AUTS2: variants seen among roughly 807,000 people sequenced by gnomAD.
AUTS2 encodes autism susceptibility gene 2 protein.
In AUTS2, 17 loss-of-function variants were observed where a neutral mutation model predicts 112.4. The observed-to-expected ratio is 0.15, with a 90% CI of 0.10 to 0.23. The LOEUF is 0.23. AUTS2 is among the 10% of genes least tolerant of loss of function. The pLI is 1.00. For missense variants in AUTS2, 1,510 were observed against 1,701.6 expected (o/e 0.89, Z 1.98); for synonymous variants, 751 against 702.7 (o/e 1.07, Z -1.09).
intron 4 of AUTS2, among the ~76,000 whole-genome samples, chr7:70,256,943 T>C (rs975774476): frequency 2.0e-5 from 3 of 152,186 alleles, no homozygotes; most frequent in Non-Finnish European, 2.9e-5. Context: ...TTTTGTTCAG[T>C]GAATCCAGCA....
intron 2 of AUTS2, among the ~76,000 whole-genome samples, chr7:70,008,473 A>G (rs1208850346): frequency 6.6e-6 from 1 of 152,158 alleles, no homozygotes; most frequent in Non-Finnish European, 1.5e-5. Flanking sequence ...TTTGTCTACC[A>G]GCGTCTCTTC....
At chr7:70,348,573 G>C (rs190409439) in intron 4 of AUTS2, among the ~76,000 whole-genome samples, 13 of 152,278 alleles carry the variant, frequency 8.5e-5, no homozygotes, top group African/African-American at 3.1e-4. Context: ...GGGAGGCCGA[G>C]GCGGGTGGAT....
intron 5 of AUTS2, among the ~76,000 whole-genome samples, chr7:70,614,914 C>T (rs1804276852): frequency 6.6e-6 from 1 of 152,214 alleles, no homozygotes; most frequent in South Asian, 2.1e-4. Context: ...ACCAGCACCC[C>T]AGGCAGCCCA....
chr7:70,634,373 CA>C, intron 5 of AUTS2, among the ~76,000 whole-genome samples: 1 of 152,304 alleles, frequency 6.6e-6, no homozygotes, highest in South Asian at 2.1e-4. Flanking sequence ...GGCTTTTATC[CA>C]GAATGTCGAG....
At chr7:70,184,369 G>A (rs573991436) in intron 4 of AUTS2, among the ~76,000 whole-genome samples, 2 of 152,246 alleles carry the variant, frequency 1.3e-5, no homozygotes, top group South Asian at 4.1e-4. Context: ...CCAAGAACAA[G>A]AATTTCTTCT....
At chr7:69,901,712 G>T (rs940649024) in intron 2 of AUTS2, among the ~76,000 whole-genome samples, 12 of 152,198 alleles carry the variant, frequency 7.9e-5, no homozygotes, top group African/African-American at 2.7e-4. Context: ...TACCTTCAGT[G>T]TTGATGCCAA....
chr7:69,829,966 G>A (rs1318177255), intron 1 of AUTS2, among the ~76,000 whole-genome samples: 2 of 152,138 alleles, frequency 1.3e-5, no homozygotes, highest in African/African-American at 2.4e-5. Context: ...ATTCACGATA[G>A]CAAAGACAGG....
intron 5 of AUTS2, among the ~76,000 whole-genome samples, chr7:70,482,014 A>G (rs1797806545): frequency 6.6e-6 from 1 of 152,148 alleles, no homozygotes; most frequent in African/African-American, 2.4e-5. Context: ...TCTTAATAAG[A>G]TCTTATAGCT....
chr7:69,789,749 G>A (rs1488623577), intron 1 of AUTS2, among the ~76,000 whole-genome samples: 1 of 151,970 alleles, frequency 6.6e-6, no homozygotes, highest in Non-Finnish European at 1.5e-5. Context: ...TCTTTTTCTG[G>A]CCATGGATAG....
At chr7:69,952,364 G>A (rs976332687) in intron 2 of AUTS2, among the ~76,000 whole-genome samples, 10 of 152,320 alleles carry the variant, frequency 6.6e-5, no homozygotes, top group Non-Finnish European at 1.3e-4. Context: ...GCAGCAGCAT[G>A]TGTCCTGGGA....
At chr7:70,568,666 G>T (rs554720785) in intron 5 of AUTS2, among the ~76,000 whole-genome samples, 19 of 152,280 alleles carry the variant, frequency 1.2e-4, no homozygotes, top group African/African-American at 4.6e-4. Context: ...GAGGTCTCTC[G>T]TTCAGACCAG....
intron 5 of AUTS2, among the ~76,000 whole-genome samples, chr7:70,536,795 G>A (rs925297167): frequency 3.9e-5 from 6 of 152,086 alleles, no homozygotes; most frequent in African/African-American, 1.4e-4. Flanking sequence ...AGCTACTTGG[G>A]AGGCTGAGGC....
At position 70,791,128 on chromosome 7, in the gene AUTS2, G is replaced by T. The variant is rs1485820036; in HGVS notation, c.*132G>T. 4.4e-6 allele frequency: 4 copies of T among 906,082 alleles called. No homozygotes were observed. Among genetic ancestry groups the T allele is most frequent in the Middle Eastern group, 6.4e-4 (2 of 3,106 alleles). The allele number at this position is 906,082 out of a possible 1,614,324, so 56.1% of individuals were successfully genotyped here. ...CCCACCCCTTCCCCTTGTAAAAAAT[G>T]TATAGACTCAGTGCACATTTTGAAA... On this transcript the variant is annotated 3_prime_UTR_variant, in exon 19 of 19. Coordinates refer to ENST00000342771, the MANE Select transcript of AUTS2 (RefSeq NM_015570.4).
chr7:70,135,648 A>T (rs1177685467), intron 4 of AUTS2, among the ~76,000 whole-genome samples: 1 of 152,146 alleles, frequency 6.6e-6, no homozygotes, highest in Admixed American at 6.6e-5. Flanking sequence ...CATTTTCTAG[A>T]TGTTGACTTT....
intron 1 of AUTS2, among the ~76,000 whole-genome samples, chr7:69,791,003 C>T (rs1789586182): frequency 6.6e-6 from 1 of 152,200 alleles, no homozygotes. Flanking sequence ...CTTGGCTCCA[C>T]TAATTGAAAC....
intron 5 of AUTS2, among the ~76,000 whole-genome samples, chr7:70,446,427 C>T (rs536320670): frequency 1.3e-5 from 2 of 152,290 alleles, no homozygotes; most frequent in African/African-American, 4.8e-5. Flanking sequence ...GCGAAGGGAA[C>T]GGATCACCCC....
intron 4 of AUTS2, among the ~76,000 whole-genome samples, chr7:70,154,497 G>C (rs188388128): frequency 6.6e-6 from 1 of 152,240 alleles, no homozygotes; most frequent in East Asian, 1.9e-4. Context: ...ATTTCTGAAA[G>C]CTGCTCCCTT....
intron 5 of AUTS2, among the ~76,000 whole-genome samples, chr7:70,515,280 G>T (rs1304388899): frequency 6.6e-6 from 1 of 152,174 alleles, no homozygotes; most frequent in African/African-American, 2.4e-5. Context: ...GAGAGGAGAG[G>T]CTAGACGGTG....
chr7:70,758,618 G>T (rs60051730), intron 6 of AUTS2, among the ~76,000 whole-genome samples: 3,087 of 152,266 alleles, frequency 0.02, 113 homozygotes, highest in African/African-American at 0.069. Flanking sequence ...AGAAGAGAGA[G>T]TTTTAAACCC....
Sources: gnomAD v4.1 joint callset for allele counts (sites outside exome capture counted in the v4.1 genomes callset) on GRCh38, gnomAD v4.1.1 for gene constraint, MANE v1.5 for transcripts, NCBI Gene and HGNC (gene_info 2026-07-23, HGNC 2026-07-21) for gene names.